NIPA2: variants seen among roughly 807,000 people sequenced by gnomAD.
NIPA2 encodes NIPA magnesium transporter 2.
A neutral mutation model predicts 29.7 loss-of-function variants in NIPA2; 11 were observed. The observed-to-expected ratio is 0.37, with a 90% CI of 0.23 to 0.61. The LOEUF is 0.61. Ranked by LOEUF, NIPA2 falls within the 20% of genes least tolerant of loss-of-function variation. The pLI, the probability that NIPA2 is intolerant of heterozygous loss-of-function variation, is 0.66. For synonymous variants in NIPA2, 183 were observed against 161.9 expected (o/e 1.13, Z -0.99); for missense variants, 426 against 437.9 (o/e 0.97, Z 0.24).
intron 7 of NIPA2, 114 bp downstream of exon 7, chr15:22,860,903 C>G: frequency 1.4e-6 from 1 of 721,080 alleles, no homozygotes. Context: ...GGTAGAAGAA[C>G]AAATTGTCGT....
At chr15:22,843,125 G>A (rs1416401737) in intron 2 of NIPA2, among the ~76,000 whole-genome samples, 1 of 152,080 alleles carries the variant, frequency 6.6e-6, no homozygotes, top group Non-Finnish European at 1.5e-5. Context: ...AAATTCTTCA[G>A]CAGAAGGCTG....
rs1233226064 is a variant in NIPA2 at position 22,867,227 on chromosome 15, C to CT, written c.*386dup. On this transcript the variant is annotated 3_prime_UTR_variant, in exon 8 of 8. Coordinates refer to ENST00000337451, the MANE Select transcript of NIPA2 (RefSeq NM_030922.7). ...TCCATCAATCCCTGACCATGTAAGG[C>CT]TTTTTTATTTTAAAAAAACAGAGTT... 4 of 404,500 alleles carry CT rather than the reference C, an allele frequency of 9.9e-6. No individual in the cohort carries two copies. Among genetic ancestry groups the CT allele is most frequent in the African/African-American group, 4.1e-5 (2 of 48,638 alleles). The allele number at this position is 404,500 out of a possible 1,614,324, so 25.1% of individuals were successfully genotyped here. A position where few individuals can be genotyped will look rare whatever the true frequency, so the allele number is the denominator to read the frequency against.
chr15:22,855,815 C>CA (rs1277714582), intron 5 of NIPA2, among the ~76,000 whole-genome samples: 1 of 152,102 alleles, frequency 6.6e-6, no homozygotes, highest in African/African-American at 2.4e-5. Context: ...ACCCTTGAAG[C>CA]AGGAGGAAAC....
intron 2 of NIPA2, among the ~76,000 whole-genome samples, chr15:22,840,993 C>T (rs998665694): frequency 1.6e-5 from 2 of 126,578 alleles, no homozygotes; most frequent in Non-Finnish European, 3.1e-5. Context: ...AAAGATAAGA[C>T]TTCTGCAGAG....
chr15:22,850,047 C>T (rs2057613062), intron 3 of NIPA2, among the ~76,000 whole-genome samples: 1 of 152,056 alleles, frequency 6.6e-6, no homozygotes, highest in African/African-American at 2.4e-5. Context: ...CCTGTGTACC[C>T]ATCACCCAGC....
chr15:22,843,816 C>CA (rs1185897591), intron 2 of NIPA2, among the ~76,000 whole-genome samples: 1 of 151,782 alleles, frequency 6.6e-6, no homozygotes, highest in African/African-American at 2.4e-5. Flanking sequence ...ATGGCAAATA[C>CA]AAAAAAATAA....
rs755873819 is a variant in NIPA2, at chr15:22,866,290, A to G, written c.526A>G (p.Thr176Ala). Residue 176 changes from threonine (T) to alanine (A), a missense_variant, in exon 8 of 8, where the codon ACA becomes GCA. Thr to Ala is a moderately conservative substitution (Grantham distance 58). Coordinates refer to ENST00000337451, the MANE Select transcript of NIPA2 (RefSeq NM_030922.7). ...IFVVGPRHGQ[T>A]NILVYITICS... ...CGTGGTGGGTCCTCGCCATGGACAGACAAACATTCTTGTGTACATAACAAT... is the reference window on the plus strand; with the variant it reads ...CGTGGTGGGTCCTCGCCATGGACAGGCAAACATTCTTGTGTACATAACAAT... 3.1e-6 allele frequency: 5 copies of G among 1,613,946 alleles called. No individual in the cohort carries two copies. The highest frequency in any genetic ancestry group is 1.6e-4 in the Middle Eastern group (1 of 6,062).
At chr15:22,840,050 A>C (rs1241809698) in intron 2 of NIPA2, among the ~76,000 whole-genome samples, 1 of 152,086 alleles carries the variant, frequency 6.6e-6, no homozygotes, top group Non-Finnish European at 1.5e-5. Context: ...CCTCCCCAGC[A>C]GCTGGGACCA....
intron 7 of NIPA2, among the ~76,000 whole-genome samples, chr15:22,861,969 C>G (rs1485889409): frequency 6.8e-6 from 1 of 146,382 alleles, no homozygotes; most frequent in Non-Finnish European, 1.5e-5. Flanking sequence ...AACTCCTGAT[C>G]ACAAGTGATC....
rs1896212000 is a variant in NIPA2 at position 22,838,735 on chromosome 15, T to TCGGC, written c.-537_-534dup. ...GGAGGTTGTCCTTGGCAGGTTTTCC[T>TCGGC]CGGCGCTTCTCCATGGAGGAGGCGG... is the stretch of plus-strand genomic sequence containing the variant. On this transcript the variant is annotated 5_prime_UTR_variant, in exon 1 of 8. Transcript: ENST00000337451. The TCGGC allele has an allele frequency of 6.6e-6, 1 of 152,574 alleles. No individual in the cohort carries two copies. Among genetic ancestry groups the TCGGC allele is most frequent in the Admixed American group, 6.5e-5 (1 of 15,286 alleles). 9.5% of individuals were successfully genotyped at this position (152,574 alleles called of 1,614,324 possible). A position where few individuals can be genotyped will look rare whatever the true frequency, so the allele number is the denominator to read the frequency against.
At chr15:22,862,268 G>A (rs185491359) in intron 7 of NIPA2, among the ~76,000 whole-genome samples, 48 of 151,150 alleles carry the variant, frequency 3.2e-4, no homozygotes, top group Admixed American at 1.3e-3. Context: ...GGCTGGTCTC[G>A]AATTCCTGAC....
rs2058690596 is a variant in NIPA2 at position 22,862,456 on chromosome 15, C to T, written c.448+1667C>T. On this transcript the variant is annotated intron_variant, in intron 7 of 7. Coordinates refer to ENST00000337451, the MANE Select transcript of NIPA2 (RefSeq NM_030922.7). ...TTCATCTGTTTATTGCAGTTCCTGACCTAGATCATTAATTTTCTTATCTTT... is the reference window on the plus strand; with the variant it reads ...TTCATCTGTTTATTGCAGTTCCTGATCTAGATCATTAATTTTCTTATCTTT... Among the ~76,000 whole-genome samples, 2 of 152,106 alleles carry T rather than the reference C, an allele frequency of 1.3e-5. 1 individual carries two copies. The highest frequency in any genetic ancestry group is 1.3e-4 in the Admixed American group (2 of 15,266).
Position 22,866,193 on chromosome 15 carries a change from C to T in NIPA2, c.449-20C>T. ...ACAACCAACCATTTGACTCATGTAA[C>T]TTTTCTTTGCCTCCTCCAGGTTTTG... On this transcript the variant is annotated intron_variant, in intron 7 of 7. Coordinates refer to ENST00000337451, the MANE Select transcript of NIPA2 (RefSeq NM_030922.7). The T allele has an allele frequency of 6.2e-7, 1 of 1,600,468 alleles. No homozygotes were observed. Among genetic ancestry groups the T allele is most frequent in the Non-Finnish European group, 8.5e-7 (1 of 1,170,654 alleles).
chr15:22,864,362 G>T (rs964972840), intron 7 of NIPA2, among the ~76,000 whole-genome samples: 1 of 152,124 alleles, frequency 6.6e-6, no homozygotes, highest in African/African-American at 2.4e-5. Flanking sequence ...CACCATGTTA[G>T]CCAGGATGGT....
At chr15:22,841,823 A>G (rs970827642) in intron 2 of NIPA2, among the ~76,000 whole-genome samples, 2 of 151,938 alleles carry the variant, frequency 1.3e-5, no homozygotes, top group Non-Finnish European at 2.9e-5. Flanking sequence ...TCGCTTTTTC[A>G]CGCTAATGTA....
At chr15:22,861,644 G>T (rs1244967686) in intron 7 of NIPA2, among the ~76,000 whole-genome samples, 1 of 151,882 alleles carries the variant, frequency 6.6e-6, no homozygotes, top group Admixed American at 6.6e-5. Context: ...TTTGTTTTTG[G>T]AAGCATGTAG....
intron 7 of NIPA2, among the ~76,000 whole-genome samples, chr15:22,864,687 A>C (rs939957060): frequency 6.6e-6 from 1 of 152,128 alleles, no homozygotes; most frequent in African/African-American, 2.4e-5. Flanking sequence ...CCTCACTTTC[A>C]ATCTTGCCTT....
intron 2 of NIPA2, among the ~76,000 whole-genome samples, chr15:22,841,026 GGA>G (rs1250019264): frequency 6.9e-6 from 1 of 144,316 alleles, no homozygotes; most frequent in Non-Finnish European, 1.5e-5. Context: ...GGTGGGGGTG[GGA>G]GAGGAAATGG....
intron 3 of NIPA2, among the ~76,000 whole-genome samples, chr15:22,846,840 AATT>A (rs66795943): frequency 6.7e-5 from 9 of 134,984 alleles, no homozygotes; most frequent in Admixed American, 1.5e-4. Flanking sequence ...TAATAATAAT[AATT>A]ATTATTATTA....
Sources: allele counts gnomAD v4.1 joint callset (sites outside exome capture counted in the v4.1 genomes callset), GRCh38; gene constraint gnomAD v4.1.1; transcripts MANE v1.5; gene names NCBI Gene and HGNC (gene_info 2026-07-23, HGNC 2026-07-21).